The following KIF21B variants were observed in gnomAD, a reference collection of about 807,000 sequenced individuals.
The protein encoded by KIF21B is kinesin family member 21B, also known as kinesin-like protein KIF21B.
A neutral mutation model predicts 192.9 loss-of-function variants in KIF21B; 85 were observed. The ratio of observed to expected loss-of-function variants is 0.44; its 90% CI spans 0.37 to 0.53. The LOEUF (loss-of-function observed/expected upper bound fraction) is 0.53, where lower values mean the gene tolerates loss of function less well. KIF21B is among the 20% of genes least tolerant of loss of function. The pLI is 0.00. For synonymous variants in KIF21B, 832 were observed against 884.6 expected, an observed-to-expected ratio of 0.94 and a Z score of 1.05; for missense variants, 1,716 against 2,194.8, an observed-to-expected ratio of 0.78 and a Z score of 4.36.
chr1:200,982,357 C>T lies in KIF21B; in HGVS notation c.3842+699G>A, dbSNP rs1022258049. On this transcript the variant is annotated intron_variant, in intron 28 of 34. Transcript: ENST00000461742. The surrounding 1 kb of genome is among the most constrained non-coding windows in gnomAD (Gnocchi z 4.7). ...AGGCTCGAGGAGCTGAGACAGCCCA[C>T]CAGGAGAGCCGAGGAAGCTCTCAGC... is the stretch of plus-strand genomic sequence containing the variant. 6.6e-6 allele frequency among the ~76,000 whole-genome samples: 1 copy of T among 152,204 alleles called. No individual in the cohort carries two copies. Among genetic ancestry groups the T allele is most frequent in the Non-Finnish European group, 1.5e-5 (1 of 68,046 alleles).
In KIF21B at chr1:201,017,132, G is replaced by A. The variant is rs547382841; in HGVS notation, c.41+6211C>T. Reference sequence around the variant, plus strand: ...CAGGCTAACAGGGGAGGGGGTGCCTGCCATGAGGCACCTTGAGAGTCCTGT... The same window carrying A: ...CAGGCTAACAGGGGAGGGGGTGCCTACCATGAGGCACCTTGAGAGTCCTGT... On this transcript the variant is annotated intron_variant, in intron 1 of 34. Coordinates refer to ENST00000461742, the MANE Select transcript of KIF21B (RefSeq NM_001252102.2). The surrounding 1 kb of genome is among the most constrained non-coding windows in gnomAD (Gnocchi z 4.1). 8.5e-5 allele frequency among the ~76,000 whole-genome samples: 13 copies of A among 152,260 alleles called. No homozygotes were observed. The highest frequency in any genetic ancestry group is 1.6e-4 in the Non-Finnish European group (11 of 68,010).
intron 3 of KIF21B, among the ~76,000 whole-genome samples, chr1:201,008,117 G>C (rs925279751): frequency 6.6e-6 from 1 of 152,172 alleles, no homozygotes; most frequent in Admixed American, 6.5e-5. Flanking sequence ...AGGGTTTATG[G>C]GATAAGTGCC....
In KIF21B at chr1:200,999,473, A is replaced by C; in HGVS notation, c.1768-7T>G. ...CGTCTCGCTCTTCCTCCTCCTGGGC[A>C]CCAGGCACCATTGGGGTGGGCCTGG... is the stretch of plus-strand genomic sequence containing the variant. On this transcript the variant is annotated splice_polypyrimidine_tract_variant and splice_region_variant and intron_variant, in intron 12 of 34. Transcript: ENST00000461742. This position sits in a 1 kb window ranked among gnomAD's most constrained non-coding sequence, Gnocchi z 4.7. The C allele has an allele frequency of 6.2e-7, 1 of 1,612,830 alleles. No individual in the cohort carries two copies. The highest frequency in any genetic ancestry group is 8.5e-7 in the Non-Finnish European group (1 of 1,179,328).
At chr1:201,021,998 CTT>C (rs1403037755) in intron 1 of KIF21B, among the ~76,000 whole-genome samples, 2 of 152,220 alleles carry the variant, frequency 1.3e-5, no homozygotes, top group Admixed American at 1.3e-4. Flanking sequence ...CAGGGCTCCT[CTT>C]TGTCTCTGGC....
intron 1 of KIF21B, among the ~76,000 whole-genome samples, chr1:201,020,535 C>T (rs1236692682): frequency 6.6e-6 from 1 of 152,156 alleles, no homozygotes; most frequent in African/African-American, 2.4e-5. Context: ...AGCCGACTAG[C>T]CTGGGTTCAG....
chr1:201,003,546 T>C lies in KIF21B; in HGVS notation c.1212+40A>G, dbSNP rs757524509. ...CAGAGGGTGCATATGGAGCACTAGC[T>C]CCAAGGGGAGTGCTGGGCAATGCCC... On this transcript the variant is annotated intron_variant, in intron 8 of 34. Transcript: ENST00000461742. 10 of 1,605,696 alleles carry C rather than the reference T, an allele frequency of 6.2e-6. No individual in the cohort carries two copies. In the East Asian group the frequency reaches 2.2e-4, roughly 36 times the overall value.
intron 30 of KIF21B, among the ~76,000 whole-genome samples, chr1:200,977,623 G>T (rs1655643447): frequency 6.6e-6 from 1 of 152,158 alleles, no homozygotes; most frequent in Non-Finnish European, 1.5e-5. Context: ...TGGAAAGATG[G>T]TAAGGCTCAG....
chr1:200,983,161 C>T lies in KIF21B; in HGVS notation c.3804-67G>A, dbSNP rs192874855. On this transcript the variant is annotated intron_variant, in intron 27 of 34. Transcript: ENST00000461742. ...AGACACACACAGAGGGACGCAGAGGCGGCAGCAGTGTGTGGGGTGGTCAGA... is the reference window on the plus strand; with the variant it reads ...AGACACACACAGAGGGACGCAGAGGTGGCAGCAGTGTGTGGGGTGGTCAGA... 1.5e-4 allele frequency: 211 copies of T among 1,389,404 alleles called. 2 individuals carry two copies. Among genetic ancestry groups the T allele is most frequent in the Admixed American group, 3.2e-4 (16 of 50,786 alleles). The allele number at this position is 1,389,404 out of a possible 1,614,324, so 86.1% of individuals were successfully genotyped here.
intron 3 of KIF21B, among the ~76,000 whole-genome samples, chr1:201,008,345 C>T (rs752513970): frequency 1.3e-5 from 2 of 152,076 alleles, no homozygotes; most frequent in Non-Finnish European, 2.9e-5. Context: ...CAGAAAGGGG[C>T]AGGATAGGAT....
intron 1 of KIF21B, among the ~76,000 whole-genome samples, chr1:201,016,141 T>C (rs1571973192): frequency 6.6e-6 from 1 of 152,170 alleles, no homozygotes; most frequent in Non-Finnish European, 1.5e-5. Context: ...CAATTTGTAA[T>C]GGTGGAGATG....
Position 200,990,398 on chromosome 1 carries a change from C to G in KIF21B, c.2836-66G>C. The G allele has an allele frequency of 6.6e-7, 1 of 1,503,816 alleles. No individual in the cohort carries two copies. The highest frequency in any genetic ancestry group is 9.0e-7 in the Non-Finnish European group (1 of 1,112,544). 93.2% of individuals were successfully genotyped at this position (1,503,816 alleles called of 1,614,324 possible). On this transcript the variant is annotated intron_variant, in intron 19 of 34. Coordinates refer to ENST00000461742, the MANE Select transcript of KIF21B (RefSeq NM_001252102.2). The surrounding 1 kb of genome is among the most constrained non-coding windows in gnomAD (Gnocchi z 5.4). ...GGCCTCAGGTAGCTGCCAAGCCCTG[C>G]CCATAGCTTCCACCACAGGCTGGCC...
rs1187957657 is a variant in KIF21B at position 200,980,871 on chromosome 1, T to A, written c.3979+89A>T. 6 of 1,506,994 alleles carry A rather than the reference T, an allele frequency of 4.0e-6. No homozygotes were observed. The Admixed American group carries it at 1.2e-4, about 29-fold the overall frequency. The allele number at this position is 1,506,994 out of a possible 1,614,324, so 93.4% of individuals were successfully genotyped here. ...TCCTCAACTCCTGGGGGCTCTATGT[T>A]CTTTTCTCCTTCACAGACCACTCTG... On this transcript the variant is annotated intron_variant, in intron 29 of 34. Transcript: ENST00000461742.
rs764894211 is a variant in KIF21B at position 200,975,604 on chromosome 1, G to A, written c.4509C>T (p.His1503=). 1 of 1,614,108 alleles carries A rather than the reference G, an allele frequency of 6.2e-7. No homozygotes were observed. Among genetic ancestry groups the A allele is most frequent in the Non-Finnish European group, 8.5e-7 (1 of 1,179,928 alleles). Residue 1503 remains histidine (H), a synonymous_variant, in exon 33 of 35, where the codon CAC becomes CAT. Coordinates refer to ENST00000461742, the MANE Select transcript of KIF21B (RefSeq NM_001252102.2). The surrounding 1 kb of genome is among the most constrained non-coding windows in gnomAD (Gnocchi z 4.3). The part of the protein sequence containing the change: ...IGPTHNFEPP[H]YDGIECLAIQ... ...TGGCGAGACACTCGATGCCATCGTA[G>A]TGCGGGGGCTCGAAGTTGTGAGTGG... is the stretch of plus-strand genomic sequence containing the variant.
chr1:200,974,834 C>A lies in KIF21B; in HGVS notation c.4694G>T (p.Arg1565Leu). Residue 1565 changes from arginine (R) to leucine (L), a missense_variant, in exon 34 of 35, where the codon CGT becomes CTT. This residue lies in a region of KIF21B where 580 missense variants were observed against 775.5 expected (regional missense o/e 0.75). Coordinates refer to ENST00000461742, the MANE Select transcript of KIF21B (RefSeq NM_001252102.2). ...GTTCCAGACCTTGATGACACCCGCA[C>A]GGCAGGCGCTGAGCAGCATGGGGCG... ...PGRPMLLSAC[R>L]AGVIKVWNVD... The A allele has an allele frequency of 6.2e-7, 1 of 1,614,224 alleles. No individual in the cohort carries two copies. Among genetic ancestry groups the A allele is most frequent in the Non-Finnish European group, 8.5e-7 (1 of 1,180,026 alleles).
intron 1 of KIF21B, among the ~76,000 whole-genome samples, chr1:201,020,808 T>C (rs369779732): frequency 2.1e-5 from 3 of 142,816 alleles, no homozygotes; most frequent in Non-Finnish European, 3.0e-5. Context: ...CTCTCTCCTC[T>C]ACACACACAC....
At chr1:201,003,453 G>A in intron 8 of KIF21B, 133 bp downstream of exon 8, 1 of 859,044 alleles carries the variant, frequency 1.2e-6, no homozygotes, top group Non-Finnish European at 1.9e-6. Flanking sequence ...CAAGAGTCAT[G>A]TCCAAAGTGG....
chr1:200,970,062 T>C lies in KIF21B; in HGVS notation c.*3459A>G, dbSNP rs1370888142. On this transcript the variant is annotated 3_prime_UTR_variant, in exon 35 of 35. Coordinates refer to ENST00000461742, the MANE Select transcript of KIF21B (RefSeq NM_001252102.2). The stretch of plus-strand genomic sequence containing the variant: ...GCAGGCTCTGCCCACACAAACACGA[T>C]GGTGAACAGACCAGGCACAGGCAAC... 1 of 152,684 alleles carries C rather than the reference T, an allele frequency of 6.5e-6. No homozygotes were observed. The highest frequency in any genetic ancestry group is 1.5e-5 in the Non-Finnish European group (1 of 68,158). 9.5% of individuals were successfully genotyped at this position (152,684 alleles called of 1,614,324 possible).
chr1:200,990,389 C>A lies in KIF21B; in HGVS notation c.2836-57G>T. On this transcript the variant is annotated intron_variant, in intron 19 of 34. Transcript: ENST00000461742. The surrounding 1 kb of genome is among the most constrained non-coding windows in gnomAD (Gnocchi z 5.4). The stretch of plus-strand genomic sequence containing the variant: ...TGAAGGAGAGGCCTCAGGTAGCTGC[C>A]AAGCCCTGCCCATAGCTTCCACCAC... The A allele has an allele frequency of 1.3e-6, 2 of 1,525,348 alleles. No individual in the cohort carries two copies. The highest frequency in any genetic ancestry group is 8.9e-7 in the Non-Finnish European group (1 of 1,128,938). 94.5% of individuals were successfully genotyped at this position (1,525,348 alleles called of 1,614,324 possible).
At chr1:200,991,605 G>A (rs1270649732) in intron 17 of KIF21B, 52 bp downstream of exon 17, 42 of 1,553,362 alleles carry the variant, frequency 2.7e-5, no homozygotes, top group Non-Finnish European at 3.4e-5. Context: ...ACACATGCAC[G>A]CACACATGTG....
Sources: gnomAD v4.1 joint callset for allele counts (sites outside exome capture counted in the v4.1 genomes callset) on GRCh38, gnomAD v4.1.1 for gene constraint, gnomAD v4.1.1 regional missense constraint, Gnocchi (gnomAD v3.1) non-coding constraint, MANE v1.5 for transcripts, NCBI Gene and HGNC (gene_info 2026-07-23, HGNC 2026-07-21) for gene names.